The following DLC1 variants were observed in gnomAD, a reference collection of about 807,000 sequenced individuals.
DLC1 encodes the protein DLC1 Rho GTPase activating protein, also known as rho GTPase-activating protein 7.
DLC1 carries 54 observed loss-of-function variants against 140.3 expected under a neutral mutation model. The ratio of observed to expected loss-of-function variants is 0.38; its 90% CI spans 0.31 to 0.48. The LOEUF (loss-of-function observed/expected upper bound fraction) is 0.48. Ranked by LOEUF, DLC1 falls within the 20% of genes least tolerant of loss-of-function variation. DLC1 has a pLI of 0.96. For synonymous variants in DLC1, 986 were observed against 728.1 expected (o/e 1.35, Z -5.70); for missense variants, 2,536 against 1,907.0 (o/e 1.33, Z -6.14).
chr8:13,229,615 G>C (rs920005337), intron 5 of DLC1, among the ~76,000 whole-genome samples: 5 of 151,954 alleles, frequency 3.3e-5, no homozygotes, highest in African/African-American at 1.2e-4. Flanking sequence ...TGGAGGGATA[G>C]AGGGAAGGAA....
chr8:13,208,597 G>A (rs911506440), intron 5 of DLC1, among the ~76,000 whole-genome samples: 1 of 152,146 alleles, frequency 6.6e-6, no homozygotes, highest in East Asian at 1.9e-4. Context: ...TCGAACTTCT[G>A]CTTCCTTTCT....
At chr8:13,204,936 T>G (rs1402687911) in intron 5 of DLC1, among the ~76,000 whole-genome samples, 1 of 152,238 alleles carries the variant, frequency 6.6e-6, no homozygotes, top group South Asian at 2.1e-4. Context: ...GTCTTACATT[T>G]TGCATCATAA....
At chr8:13,217,319 C>A (rs1828250764) in intron 5 of DLC1, among the ~76,000 whole-genome samples, 1 of 152,056 alleles carries the variant, frequency 6.6e-6, no homozygotes, top group African/African-American at 2.4e-5. Context: ...TATAAAATAT[C>A]ATTTTACAAC....
In DLC1 at chr8:13,382,893, G is replaced by C. The variant is rs550284940; in HGVS notation, c.1314+10660C>G. Among the ~76,000 whole-genome samples the C allele has an allele frequency of 1.1e-3, 162 of 152,208 alleles. 1 individual carries two copies. The highest frequency in any genetic ancestry group is 1.7e-3 in the Non-Finnish European group (118 of 68,046). ...TCAATAGATGTCTGAGGTAGAGAAAGACATATCTTGATGAATTTTGTAACT... is the reference window on the plus strand; with the variant it reads ...TCAATAGATGTCTGAGGTAGAGAAACACATATCTTGATGAATTTTGTAACT... On this transcript the variant is annotated intron_variant, in intron 4 of 17. Coordinates refer to ENST00000276297, the MANE Select transcript of DLC1 (RefSeq NM_182643.3).
intron 5 of DLC1, among the ~76,000 whole-genome samples, chr8:13,186,152 C>T (rs554156186): frequency 2.0e-5 from 3 of 152,112 alleles, no homozygotes; most frequent in Admixed American, 6.5e-5. Flanking sequence ...CGAGAAGTAT[C>T]TTTGTGGTGT....
intron 2 of DLC1, among the ~76,000 whole-genome samples, chr8:13,492,798 T>C (rs539645403): frequency 6.6e-6 from 1 of 152,348 alleles, no homozygotes; most frequent in Non-Finnish European, 1.5e-5. Context: ...GCATTTCAAG[T>C]TGGTTTTAGG....
At chr8:13,407,731 C>G (rs567705869) in intron 2 of DLC1, among the ~76,000 whole-genome samples, 73 of 152,246 alleles carry the variant, frequency 4.8e-4, no homozygotes, top group African/African-American at 1.6e-3. Context: ...GGTTCTGGCC[C>G]CTATGCTGTC....
chr8:13,394,375 C>A (rs955253481), intron 3 of DLC1, among the ~76,000 whole-genome samples: 1 of 152,140 alleles, frequency 6.6e-6, no homozygotes, highest in Non-Finnish European at 1.5e-5. Context: ...TAAATGCTAG[C>A]TACTCCAATA....
intron 4 of DLC1, among the ~76,000 whole-genome samples, chr8:13,338,299 C>T (rs774470046): frequency 1.3e-5 from 2 of 152,030 alleles, no homozygotes; most frequent in African/African-American, 2.4e-5. Context: ...GTCACAAAGC[C>T]ATGGTTCGAA....
intron 5 of DLC1, chr8:13,116,154 G>A (rs923203143): frequency 9.1e-6 from 9 of 986,366 alleles, no homozygotes; most frequent in Non-Finnish European, 1.1e-5. Flanking sequence ...ACCTTGTGTT[G>A]TTTCACTGTT....
intron 2 of DLC1, among the ~76,000 whole-genome samples, chr8:13,463,520 T>A (rs1029665405): frequency 3.3e-5 from 5 of 152,230 alleles, no homozygotes; most frequent in African/African-American, 1.2e-4. Context: ...GGATGTTTGT[T>A]CATGAAAAGG....
At chr8:13,525,428 G>C (rs1802890766) in intron 1 of DLC1, among the ~76,000 whole-genome samples, 1 of 152,102 alleles carries the variant, frequency 6.6e-6, no homozygotes, top group Non-Finnish European at 1.5e-5. Flanking sequence ...TTCTAAGGTG[G>C]ATATACCATT....
intron 6 of DLC1, among the ~76,000 whole-genome samples, chr8:13,112,353 C>T (rs1176568770): frequency 6.6e-6 from 1 of 151,990 alleles, no homozygotes; most frequent in African/African-American, 2.4e-5. Flanking sequence ...ATTTCTTATT[C>T]TTAGTAATCT....
At chr8:13,283,142 C>A (rs1028992227) in intron 5 of DLC1, among the ~76,000 whole-genome samples, 1 of 152,100 alleles carries the variant, frequency 6.6e-6, no homozygotes, top group Non-Finnish European at 1.5e-5. Flanking sequence ...TCTATGTTAA[C>A]ATAACTTGTT....
At chr8:13,591,814 C>A (rs1278521782) in intron 1 of DLC1, among the ~76,000 whole-genome samples, 1 of 151,994 alleles carries the variant, frequency 6.6e-6, no homozygotes, top group African/African-American at 2.4e-5. Context: ...ATTTTGACTT[C>A]AACAACTTGG....
chr8:13,104,914 G>A (rs923665647), intron 7 of DLC1, among the ~76,000 whole-genome samples: 5 of 152,144 alleles, frequency 3.3e-5, no homozygotes, highest in African/African-American at 9.7e-5. Context: ...TCTATTGGGG[G>A]TATCAATTAC....
intron 5 of DLC1, among the ~76,000 whole-genome samples, chr8:13,295,369 CTG>C (rs1314740917): frequency 6.6e-6 from 1 of 152,288 alleles, no homozygotes; most frequent in Non-Finnish European, 1.5e-5. Flanking sequence ...TTTAAGAACT[CTG>C]TGAGAACTTT....
At chr8:13,599,411 T>C (rs184454668) in intron 1 of DLC1, among the ~76,000 whole-genome samples, 4 of 152,082 alleles carry the variant, frequency 2.6e-5, no homozygotes, top group Admixed American at 2.6e-4. Flanking sequence ...AATGAATGAT[T>C]TGTCATTAAA....
At chr8:13,257,597 CT>C in intron 5 of DLC1, among the ~76,000 whole-genome samples, 1 of 152,054 alleles carries the variant, frequency 6.6e-6, no homozygotes, top group African/African-American at 2.4e-5. Context: ...AGATTCTCGA[CT>C]AATAAAATGT....
Sources: gnomAD v4.1 joint callset for allele counts (sites outside exome capture counted in the v4.1 genomes callset) on GRCh38, gnomAD v4.1.1 for gene constraint, MANE v1.5 for transcripts, NCBI Gene and HGNC (gene_info 2026-07-23, HGNC 2026-07-21) for gene names.